LARGE1: variants seen among roughly 807,000 people sequenced by gnomAD.
The protein encoded by LARGE1 is LARGE xylosyl- and glucuronyltransferase 1.
In LARGE1, 43 loss-of-function variants were observed where a neutral mutation model predicts 87.6. That is an observed-to-expected ratio of 0.49 (90% CI 0.38 to 0.63). The LOEUF is 0.63. LARGE1 is among the 30% of genes least tolerant of loss of function. LARGE1 has a pLI of 0.00. For missense variants in LARGE1, 802 were observed against 1,000.2 expected (o/e 0.80, Z 2.67); for synonymous variants, 434 against 394.6 (o/e 1.10, Z -1.18).
chr22:33,284,715 C>T (rs919841430), intron 12 of LARGE1, among the ~76,000 whole-genome samples: 5 of 152,232 alleles, frequency 3.3e-5, no homozygotes, highest in South Asian at 2.1e-4. Flanking sequence ...GTAGCTGGGA[C>T]TACAGGCACA....
At chr22:33,447,487 C>T (rs562112243) in intron 6 of LARGE1, among the ~76,000 whole-genome samples, 7 of 152,154 alleles carry the variant, frequency 4.6e-5, no homozygotes, top group South Asian at 2.1e-4. Flanking sequence ...GGCTTGAGCC[C>T]GGAAGGAAGG....
chr22:33,723,571 C>T (rs2083174004), intron 2 of LARGE1, among the ~76,000 whole-genome samples: 1 of 152,126 alleles, frequency 6.6e-6, no homozygotes, highest in African/African-American at 2.4e-5. Flanking sequence ...GGGTAAGGCT[C>T]ATATGAAGTT....
intron 1 of LARGE1, among the ~76,000 whole-genome samples, chr22:33,815,467 GGAGAATGTGCCATCA>G (rs1407244448): frequency 6.6e-6 from 1 of 152,152 alleles, no homozygotes; most frequent in Non-Finnish European, 1.5e-5. Context: ...CCTCATGCGG[GGAGAATGTGCCATCA>G]GAGAAAAAGC....
chr22:33,251,719 A>G (rs1927015285), intron 11 of LARGE1, among the ~76,000 whole-genome samples: 1 of 152,206 alleles, frequency 6.6e-6, no homozygotes, highest in African/African-American at 2.4e-5. Flanking sequence ...CTCTATTGCC[A>G]TATCAGTTTC....
At chr22:33,289,132 G>T (rs576829624) in intron 12 of LARGE1, among the ~76,000 whole-genome samples, 23 of 152,130 alleles carry the variant, frequency 1.5e-4, no homozygotes, top group Non-Finnish European at 3.1e-4. Flanking sequence ...CTAATTTTTT[G>T]TATTTTTACT....
chr22:33,285,624 A>AAAAC (rs57414667), intron 12 of LARGE1, among the ~76,000 whole-genome samples: 28,606 of 151,524 alleles, frequency 0.19, 3,274 homozygotes, highest in African/African-American at 0.32. Flanking sequence ...ACCCTGTCAC[A>AAAAC]AAACAAACAA....
At chr22:33,686,790 T>C (rs1486217555) in intron 2 of LARGE1, among the ~76,000 whole-genome samples, 1 of 152,174 alleles carries the variant, frequency 6.6e-6, no homozygotes, top group Non-Finnish European at 1.5e-5. Context: ...CCCATCAGTG[T>C]AGGGTTGCCA....
intron 11 of LARGE1, among the ~76,000 whole-genome samples, chr22:33,221,100 C>A (rs868587586): frequency 6.6e-6 from 1 of 152,080 alleles, no homozygotes; most frequent in African/African-American, 2.4e-5. Flanking sequence ...AGACATCCTC[C>A]TATCATTAAG....
At chr22:33,207,044 G>A (rs1378362405) in intron 11 of LARGE1, among the ~76,000 whole-genome samples, 1 of 152,154 alleles carries the variant, frequency 6.6e-6, no homozygotes, top group East Asian at 1.9e-4. Flanking sequence ...AAATAGACTT[G>A]TTGGTGATAC....
chr22:33,796,979 G>C lies in LARGE1; in HGVS notation c.-82-35421C>G, dbSNP rs572517760. On this transcript the variant is annotated intron_variant, in intron 1 of 14. Transcript: ENST00000397394. ...AAGGTTCACCAAGTTTGCCAGGCTG[G>C]TCTTGAACTCCTGACCTCAAGTGAT... Among the ~76,000 whole-genome samples the C allele has an allele frequency of 4.6e-5, 7 of 152,100 alleles. No homozygotes were observed. In the South Asian group the frequency reaches 1.5e-3, roughly 32 times the overall value.
At chr22:33,457,597 G>C (rs1601926361) in intron 6 of LARGE1, among the ~76,000 whole-genome samples, 1 of 151,956 alleles carries the variant, frequency 6.6e-6, no homozygotes, top group East Asian at 1.9e-4. Flanking sequence ...ATATGCCTAA[G>C]AGACATAAGA....
intron 2 of LARGE1, among the ~76,000 whole-genome samples, chr22:33,658,082 A>C (rs1441914766): frequency 6.6e-6 from 1 of 152,124 alleles, no homozygotes; most frequent in Non-Finnish European, 1.5e-5. Context: ...CTCCTATTCA[A>C]CACCCTCCGA....
chr22:33,827,963 G>A (rs1601714534), intron 1 of LARGE1, among the ~76,000 whole-genome samples: 1 of 152,022 alleles, frequency 6.6e-6, no homozygotes, highest in Non-Finnish European at 1.5e-5. Flanking sequence ...TTGTCCTATG[G>A]AAGACTTAGC....
intron 1 of LARGE1, among the ~76,000 whole-genome samples, chr22:33,776,657 G>A (rs897018984): frequency 6.6e-6 from 1 of 152,122 alleles, no homozygotes; most frequent in African/African-American, 2.4e-5. Context: ...TTTTCATTCT[G>A]CTTAAGCAAA....
chr22:33,382,034 T>C lies in LARGE1; in HGVS notation c.1016A>G (p.Asn339Ser). Residue 339 changes from asparagine (N) to serine (S), a missense_variant, in exon 9 of 15, where the codon AAT becomes AGT. Transcript: ENST00000397394. ...STSLADQDIF[N>S]AVIKQNPFLV... is the part of the protein sequence containing the mutation. ...GAAGGGGTTTTGTTTGATGACGGCA[T>C]TGAAAATATCCTGGGGGATGAAAGC... 4 of 1,614,036 alleles carry C rather than the reference T, an allele frequency of 2.5e-6. No homozygotes were observed. The highest frequency in any genetic ancestry group is 2.5e-6 in the Non-Finnish European group (3 of 1,179,980).
chr22:33,873,999 T>C (rs2064387756), intron 1 of LARGE1, among the ~76,000 whole-genome samples: 1 of 150,932 alleles, frequency 6.6e-6, no homozygotes, highest in South Asian at 2.1e-4. Context: ...CCCTCCTCCG[T>C]CTCTCTTCCC....
intron 2 of LARGE1, among the ~76,000 whole-genome samples, chr22:33,652,367 A>C (rs890497082): frequency 6.6e-6 from 1 of 152,012 alleles, no homozygotes; most frequent in African/African-American, 2.4e-5. Flanking sequence ...ATTAAAAAAA[A>C]ACAAACACTT....
chr22:33,529,747 C>T (rs943995908), intron 6 of LARGE1, among the ~76,000 whole-genome samples: 7 of 152,176 alleles, frequency 4.6e-5, no homozygotes, highest in Non-Finnish European at 8.8e-5. Context: ...AGGAAGCACA[C>T]GGGCTTCAAA....
At chr22:33,913,979 A>C (rs2065712033) in intron 1 of LARGE1, among the ~76,000 whole-genome samples, 1 of 152,204 alleles carries the variant, frequency 6.6e-6, no homozygotes. Flanking sequence ...CCCTTTAGTA[A>C]GGTAAAAATC....
Sources: gnomAD v4.1 joint callset for allele counts (sites outside exome capture counted in the v4.1 genomes callset) on GRCh38, gnomAD v4.1.1 for gene constraint, MANE v1.5 for transcripts, NCBI Gene and HGNC (gene_info 2026-07-23, HGNC 2026-07-21) for gene names.